The following ANKUB1 variants were observed in gnomAD, a reference collection of about 807,000 sequenced individuals.
The protein encoded by ANKUB1 is protein ANKUB1.
In ANKUB1, 42 loss-of-function variants were observed where a neutral mutation model predicts 49.3. The observed-to-expected ratio is 0.85, with a 90% CI of 0.67 to 1.10. ANKUB1 has a LOEUF of 1.10. Among genes scored for constraint, ANKUB1 ranks in the 50% least tolerant of loss-of-function variants. The pLI is 0.00. For synonymous variants in ANKUB1, 222 were observed against 231.0 expected, an observed-to-expected ratio of 0.96 and a Z score of 0.35; for missense variants, 613 against 642.0, an observed-to-expected ratio of 0.95 and a Z score of 0.49.
At chr3:149,763,824 C>T in intron 5 of ANKUB1, 1 of 439,210 alleles carries the variant, frequency 2.3e-6, no homozygotes, top group Non-Finnish European at 4.6e-6. Context: ...CAACCCAAAC[C>T]CACATTAGCG....
In ANKUB1 at chr3:149,767,359, T is replaced by C. The variant is rs1208984363; in HGVS notation, c.1303A>G (p.Arg435Gly). 5 of 1,550,218 alleles carry C rather than the reference T, an allele frequency of 3.2e-6. No individual in the cohort carries two copies. In the East Asian group the frequency reaches 9.8e-5, roughly 30 times the overall value. The change falls in exon 5 of 6, where the codon AGG becomes GGG. Residue 435 changes from arginine (R) to glycine (G), a missense_variant. Physicochemically the swap from Arg to Gly is moderately radical, Grantham distance 125. Coordinates refer to ENST00000446160, the MANE Select transcript of ANKUB1 (RefSeq NM_001144960.3). The stretch of plus-strand genomic sequence containing the variant: ...TTTTTTATGAGCTTTTCTTTTTTCC[T>C]AGCTGTGGCAGTAATTTTTTTCTGA... ...QNQKKITATARKKEKLIKNTY... is the reference protein window; with the variant it reads ...QNQKKITATAGKKEKLIKNTY...
rs571623299 is a variant in ANKUB1 at position 149,785,643 on chromosome 3, C to T, written c.234+5138G>A. Among the ~76,000 whole-genome samples, 4 of 152,298 alleles carry T rather than the reference C, an allele frequency of 2.6e-5. 1 individual carries two copies. The South Asian group carries it at 6.2e-4, about 24-fold the overall frequency. ...CCATGGTGTATATGTGCCACATTTTCTTAATCCAGTCTATCACTGATGGAC... is the reference window on the plus strand; with the variant it reads ...CCATGGTGTATATGTGCCACATTTTTTTAATCCAGTCTATCACTGATGGAC... On this transcript the variant is annotated intron_variant, in intron 2 of 5. Coordinates refer to ENST00000446160, the MANE Select transcript of ANKUB1 (RefSeq NM_001144960.3).
At chr3:149,772,863 A>G (rs981903846) in intron 3 of ANKUB1, among the ~76,000 whole-genome samples, 12 of 152,114 alleles carry the variant, frequency 7.9e-5, no homozygotes, top group African/African-American at 2.7e-4. Flanking sequence ...TGTGCACACC[A>G]GGCTGTTTCT....
intron 5 of ANKUB1, chr3:149,766,697 C>A: frequency 1.6e-6 from 1 of 641,432 alleles, no homozygotes; most frequent in Non-Finnish European, 2.7e-6. Context: ...ACTTGGAAGG[C>A]TGAGATGGGA....
intron 3 of ANKUB1, among the ~76,000 whole-genome samples, chr3:149,773,229 C>T (rs953963041): frequency 3.3e-5 from 5 of 152,170 alleles, no homozygotes; most frequent in Non-Finnish European, 7.3e-5. Context: ...CAGTCCCTCC[C>T]TTATTGGACA....
intron 3 of ANKUB1, among the ~76,000 whole-genome samples, chr3:149,777,818 A>G (rs1418699224): frequency 9.9e-5 from 15 of 152,220 alleles, no homozygotes; most frequent in Admixed American, 7.2e-4. Context: ...GTGTGTATAC[A>G]TGTCTCATTT....
chr3:149,761,847 A>C (rs1388402436), intron 5 of ANKUB1, among the ~76,000 whole-genome samples: 1 of 152,194 alleles, frequency 6.6e-6, no homozygotes, highest in East Asian at 1.9e-4. Flanking sequence ...TAGAAACAGA[A>C]AGCCACTCAA....
At chr3:149,770,355 G>T (rs572410130) in intron 4 of ANKUB1, among the ~76,000 whole-genome samples, 2 of 152,190 alleles carry the variant, frequency 1.3e-5, no homozygotes, top group East Asian at 3.9e-4. Flanking sequence ...TACCTGAATC[G>T]CAAGACTATC....
chr3:149,772,991 C>A (rs1268723930), intron 3 of ANKUB1, among the ~76,000 whole-genome samples: 1 of 152,120 alleles, frequency 6.6e-6, no homozygotes, highest in African/African-American at 2.4e-5. Context: ...ACTCAGCAGC[C>A]CCCTTTTATA....
In ANKUB1 at chr3:149,792,421, G is replaced by T; in HGVS notation, c.-55C>A. On this transcript the variant is annotated 5_prime_UTR_variant, in exon 1 of 6. Transcript: ENST00000446160. The stretch of plus-strand genomic sequence containing the variant: ...TCCAACTTTTTCAAAGATTCTCCTG[G>T]ATGGCTAGAAAAATTCCGGTTCACA... 4 of 1,354,144 alleles carry T rather than the reference G, an allele frequency of 3.0e-6. No individual in the cohort carries two copies. The highest frequency in any genetic ancestry group is 3.0e-5 in the Admixed American group (1 of 33,338). The allele number at this position is 1,354,144 out of a possible 1,614,324, so 83.9% of individuals were successfully genotyped here.
chr3:149,786,257 G>A (rs907066107), intron 2 of ANKUB1, among the ~76,000 whole-genome samples: 8 of 152,192 alleles, frequency 5.3e-5, no homozygotes, highest in African/African-American at 1.7e-4. Flanking sequence ...GGATGGTCTC[G>A]AGCTCCTGAC....
At chr3:149,790,319 A>G (rs1485051268) in intron 2 of ANKUB1, among the ~76,000 whole-genome samples, 1 of 152,178 alleles carries the variant, frequency 6.6e-6, no homozygotes, top group African/African-American at 2.4e-5. Context: ...TATTGCCTGT[A>G]CACCTAATTG....
intron 3 of ANKUB1, chr3:149,779,562 T>C (rs1363700089): frequency 2.0e-5 from 3 of 152,394 alleles, no homozygotes; most frequent in Non-Finnish European, 2.9e-5. Context: ...CAGTATAGCA[T>C]TGGCGTCACA....
chr3:149,778,802 A>C (rs1294747710), intron 3 of ANKUB1: 1 of 152,258 alleles, frequency 6.6e-6, no homozygotes, highest in Non-Finnish European at 1.5e-5. Context: ...CAAATACTAC[A>C]GTCAGGAGAA....
chr3:149,792,122 C>A (rs956286324), intron 1 of ANKUB1, among the ~76,000 whole-genome samples, 155 bp downstream of exon 1: 1 of 151,906 alleles, frequency 6.6e-6, no homozygotes, highest in African/African-American at 2.4e-5. Flanking sequence ...TCTTATAAAT[C>A]TATTGTGTAA....
chr3:149,778,601 A>C (rs1374198015), intron 3 of ANKUB1: 1 of 152,124 alleles, frequency 6.6e-6, no homozygotes, highest in Non-Finnish European at 1.5e-5. Flanking sequence ...GCCCTTCCTT[A>C]TGTGAGCCCC....
Position 149,780,313 on chromosome 3 carries a change from ACACT to A in ANKUB1, c.373_376del (p.Val126ThrfsTer40). ...GCCCCTTGGGGTTCGGAGACAGTAG[ACACT>A]CACGGGGAGGCCACATCTCAGAGTT... On this transcript the variant is annotated frameshift_variant, in exon 3 of 6. Transcript: ENST00000446160. LOFTEE classifies it high-confidence loss of function. 2.6e-6 allele frequency: 4 copies of A among 1,551,806 alleles called. No homozygotes were observed. Among genetic ancestry groups the A allele is most frequent in the Non-Finnish European group, 3.5e-6 (4 of 1,147,010 alleles).
intron 3 of ANKUB1, among the ~76,000 whole-genome samples, chr3:149,777,438 C>T (rs1717649917): frequency 1.3e-5 from 2 of 152,116 alleles, no homozygotes; most frequent in African/African-American, 4.8e-5. Context: ...TGCCACTGCA[C>T]TCTAACCTGG....
chr3:149,780,323 G>A lies in ANKUB1; in HGVS notation c.367C>T (p.Pro123Ser). The A allele has an allele frequency of 6.4e-7, 1 of 1,551,824 alleles. No homozygotes were observed. Among genetic ancestry groups the A allele is most frequent in the Non-Finnish European group, 8.7e-7 (1 of 1,147,014 alleles). The change falls in exon 3 of 6, where the codon CCC becomes TCC. Residue 123 changes from proline (P) to serine (S), a missense_variant. Transcript: ENST00000446160. ...RTLVTLRCGLPVSVYCLRTPR... is the reference protein window; with the variant it reads ...RTLVTLRCGLSVSVYCLRTPR... The stretch of plus-strand genomic sequence containing the variant: ...GTTCGGAGACAGTAGACACTCACGG[G>A]GAGGCCACATCTCAGAGTTACCAGT...
Sources: allele counts gnomAD v4.1 joint callset (sites outside exome capture counted in the v4.1 genomes callset), GRCh38; gene constraint gnomAD v4.1.1; transcripts MANE v1.5; gene names NCBI Gene and HGNC (gene_info 2026-07-23, HGNC 2026-07-21).